Variants in PCSK6 observed in about 807,000 individuals in gnomAD.
PCSK6 encodes the protein paired basic amino acid cleaving enzyme 4.
A neutral mutation model predicts 123.3 loss-of-function variants in PCSK6; 85 were observed. The observed-to-expected ratio is 0.69, with a 90% CI of 0.58 to 0.83. The LOEUF is 0.83. Among genes scored for constraint, PCSK6 ranks in the 40% least tolerant of loss-of-function variants. The pLI is 0.00. For synonymous variants in PCSK6, 508 were observed against 516.0 expected (o/e 0.98, Z 0.21); for missense variants, 1,191 against 1,282.3 (o/e 0.93, Z 1.09).
chr15:101,435,691 T>C (rs541196899), intron 2 of PCSK6, among the ~76,000 whole-genome samples: 24 of 152,370 alleles, frequency 1.6e-4, no homozygotes, highest in African/African-American at 4.8e-4. Flanking sequence ...AGCAACACTT[T>C]CTTTTGTAGT....
chr15:101,470,776 G>T (rs557798677), intron 1 of PCSK6, among the ~76,000 whole-genome samples: 1 of 152,202 alleles, frequency 6.6e-6, no homozygotes, highest in Non-Finnish European at 1.5e-5. Context: ...ATTTGCCCTG[G>T]TACATCCCCG....
intron 6 of PCSK6, among the ~76,000 whole-genome samples, chr15:101,404,009 C>A (rs781272008): frequency 3.3e-5 from 5 of 152,228 alleles, no homozygotes; most frequent in Non-Finnish European, 5.9e-5. Context: ...TAGTTTAATA[C>A]AATTGTATAT....
intron 6 of PCSK6, among the ~76,000 whole-genome samples, chr15:101,423,579 G>C (rs769659189): frequency 1.3e-5 from 2 of 151,870 alleles, no homozygotes; most frequent in African/African-American, 2.4e-5. Flanking sequence ...TTTTTTTAAA[G>C]ACCAGACTGA....
At chr15:101,464,635 A>G (rs1348286717) in intron 1 of PCSK6, among the ~76,000 whole-genome samples, 1 of 152,100 alleles carries the variant, frequency 6.6e-6, no homozygotes, top group Non-Finnish European at 1.5e-5. Context: ...CAAGGTCCCA[A>G]ATGTAGCTGC....
chr15:101,412,836 A>C (rs1455353875), intron 6 of PCSK6, among the ~76,000 whole-genome samples: 1 of 151,806 alleles, frequency 6.6e-6, no homozygotes, highest in Non-Finnish European at 1.5e-5. Flanking sequence ...GAGGAGAGGA[A>C]AAAGGGCCAG....
At position 101,305,189 on chromosome 15, in the gene PCSK6, G is replaced by A. The variant is rs1010467844; in HGVS notation, c.*69C>T. On this transcript the variant is annotated 3_prime_UTR_variant, in exon 22 of 22. Coordinates refer to ENST00000611716, the MANE Select transcript of PCSK6 (RefSeq NM_002570.5). The surrounding 1 kb of genome is among the most constrained non-coding windows in gnomAD (Gnocchi z 4.8). ...GCCGCTCCTGAAACAGACTCTGGCC[G>A]ACAGTCTGGAGGAAGGTGGACGGAT... 41 of 1,318,558 alleles carry A rather than the reference G, an allele frequency of 3.1e-5. No homozygotes were observed. The African/African-American group carries it at 3.6e-4, about 12-fold the overall frequency. The allele number at this position is 1,318,558 out of a possible 1,614,324, so 81.7% of individuals were successfully genotyped here.
chr15:101,367,891 C>T (rs191075532), intron 12 of PCSK6, among the ~76,000 whole-genome samples: 1 of 152,320 alleles, frequency 6.6e-6, no homozygotes, highest in Admixed American at 6.5e-5. Context: ...GAGGCGTGAC[C>T]TCAGCTCACT....
intron 1 of PCSK6, among the ~76,000 whole-genome samples, chr15:101,461,187 C>T (rs2057332831): frequency 6.6e-6 from 1 of 152,004 alleles, no homozygotes; most frequent in African/African-American, 2.4e-5. Flanking sequence ...AGGATGTAAC[C>T]GCAGATCAAG....
At chr15:101,428,968 A>G (rs951008125) in intron 5 of PCSK6, among the ~76,000 whole-genome samples, 5 of 152,104 alleles carry the variant, frequency 3.3e-5, no homozygotes, top group Non-Finnish European at 5.9e-5. Flanking sequence ...TGGGACGTGC[A>G]TGAGGCTGGG....
chr15:101,348,182 C>T (rs1304611460), intron 13 of PCSK6, among the ~76,000 whole-genome samples: 1 of 152,210 alleles, frequency 6.6e-6, no homozygotes. Flanking sequence ...CCGGCCCCTG[C>T]GCCTCCGCTG....
rs146746868 is a variant in PCSK6, at chr15:101,465,088, G to A, written c.298-21428C>T. On this transcript the variant is annotated intron_variant, in intron 1 of 21. Transcript: ENST00000611716. ...GGGTCTGCTGAGCAGAACCATAGTG[G>A]GGATTTGCAACATCATCCAGTGTCC... Among the ~76,000 whole-genome samples the A allele has an allele frequency of 3.2e-3, 481 of 152,316 alleles. 5 individuals are homozygous for A. Among genetic ancestry groups the A allele is most frequent in the African/African-American group, 0.01 (431 of 41,570 alleles).
intron 10 of PCSK6, 114 bp from the exon 11 acceptor site, chr15:101,382,323 G>A (rs1348187168): frequency 2.6e-6 from 2 of 783,706 alleles, no homozygotes; most frequent in Non-Finnish European, 4.1e-6. Context: ...TAAGACTCGA[G>A]GTCTCCTGGG....
intron 6 of PCSK6, among the ~76,000 whole-genome samples, chr15:101,403,099 T>G (rs951016233): frequency 1.3e-4 from 20 of 151,918 alleles, no homozygotes; most frequent in Non-Finnish European, 2.4e-4. Flanking sequence ...CCATAAAAAA[T>G]GATGAGTTCA....
At chr15:101,410,818 G>C (rs1036713037) in intron 6 of PCSK6, among the ~76,000 whole-genome samples, 2 of 152,202 alleles carry the variant, frequency 1.3e-5, no homozygotes, top group Non-Finnish European at 2.9e-5. Context: ...ACCCAGATGT[G>C]GCAATTCATC....
chr15:101,379,027 G>A (rs1052232566), intron 11 of PCSK6, among the ~76,000 whole-genome samples: 3 of 152,246 alleles, frequency 2.0e-5, no homozygotes, highest in African/African-American at 7.2e-5. Flanking sequence ...GCCAGCCACT[G>A]GGGCAGCGTT....
At chr15:101,319,970 A>C (rs536451496) in intron 18 of PCSK6, among the ~76,000 whole-genome samples, 1 of 152,290 alleles carries the variant, frequency 6.6e-6, no homozygotes, top group East Asian at 1.9e-4. Context: ...ACTCAGAAGC[A>C]CAGGCTACCA....
chr15:101,435,564 A>G (rs535908235), intron 2 of PCSK6, among the ~76,000 whole-genome samples: 12 of 152,302 alleles, frequency 7.9e-5, no homozygotes, highest in South Asian at 6.2e-4. Context: ...CCTTTTCTCT[A>G]TTTTCCAAAT....
Position 101,388,175 on chromosome 15 carries a change from T to C in PCSK6, c.1310+1289A>G, listed in dbSNP as rs190158294. 5.9e-5 allele frequency among the ~76,000 whole-genome samples: 9 copies of C among 152,362 alleles called. No individual in the cohort carries two copies. In the East Asian group the frequency reaches 7.7e-4, roughly 13 times the overall value. The stretch of plus-strand genomic sequence containing the variant: ...GAGTTTCCACACAAGCAACTCATTA[T>C]GAAGAATTTTTAAAAAGAGCCTCAG... On this transcript the variant is annotated intron_variant, in intron 9 of 21. Transcript: ENST00000611716.
chr15:101,479,635 G>A (rs2057821544), intron 1 of PCSK6, among the ~76,000 whole-genome samples: 1 of 152,216 alleles, frequency 6.6e-6, no homozygotes, highest in Non-Finnish European at 1.5e-5. Context: ...TTCCCATCTG[G>A]AGGACGGGGT....
Sources: gnomAD v4.1 joint callset for allele counts (sites outside exome capture counted in the v4.1 genomes callset) on GRCh38, gnomAD v4.1.1 for gene constraint, Gnocchi (gnomAD v3.1) non-coding constraint, MANE v1.5 for transcripts, NCBI Gene and HGNC (gene_info 2026-07-23, HGNC 2026-07-21) for gene names.